The following GANAB variants were observed in gnomAD, a reference collection of about 807,000 sequenced individuals.
The protein encoded by GANAB is neutral alpha-glucosidase AB.
In GANAB, 35 loss-of-function variants were observed where a neutral mutation model predicts 129.9. The ratio of observed to expected loss-of-function variants is 0.27; its 90% confidence interval spans 0.21 to 0.36. The LOEUF is 0.36. Ranked by LOEUF, GANAB falls within the 10% of genes least tolerant of loss-of-function variation. The probability of loss-of-function intolerance (pLI) is 1.00; values close to 1 mark genes in which losing one functional copy is unlikely to be tolerated. For missense variants in GANAB, 939 were observed against 1,221.0 expected, an observed-to-expected ratio of 0.77 and a Z score of 3.44; for synonymous variants, 482 against 451.8, an observed-to-expected ratio of 1.07 and a Z score of -0.85.
chr11:62,634,706 C>T, intron 5 of GANAB, 115 bp downstream of exon 5: 2 of 870,670 alleles, frequency 2.3e-6, no homozygotes, highest in South Asian at 1.6e-5. Context: ...GAGCTTCTCC[C>T]AGCCCCCAGG....
chr11:62,626,194 A>AG, intron 22 of GANAB, 29 bp from the exon 23 acceptor site: 4 of 1,505,996 alleles, frequency 2.7e-6, no homozygotes, highest in Non-Finnish European at 3.7e-6. Flanking sequence ...GATGTCCATC[A>AG]GGGGGAAAAA....
intron 17 of GANAB, among the ~76,000 whole-genome samples, chr11:62,627,963 C>G (rs1212522695): frequency 6.6e-6 from 1 of 152,222 alleles, no homozygotes; most frequent in Non-Finnish European, 1.5e-5. Flanking sequence ...CCCTGGGTTG[C>G]AACCCTGGCT....
In GANAB at chr11:62,625,859, G is replaced by C. The variant is rs772852228; in HGVS notation, c.2791C>G (p.Pro931Ala). The C allele has an allele frequency of 1.4e-5, 22 of 1,613,512 alleles. No individual in the cohort carries two copies. The South Asian group carries it at 1.5e-4, about 11-fold the overall frequency. The change falls in exon 24 of 24, where the codon CCT becomes GCT. Residue 931 changes from proline (P) to alanine (A), a missense_variant. This residue lies in a region of GANAB where 230 missense variants were observed against 259.9 expected (regional missense o/e 0.89). Coordinates refer to ENST00000356638, the MANE Select transcript of GANAB (RefSeq NM_198334.3). ...PETSVLVLRK[P>A]GINVASDWSI... ...CAATCAGATGCCACATTGATGCCAG[G>C]CTTGCGCAGGACCAACACAGAGGTC...
intron 4 of GANAB, among the ~76,000 whole-genome samples, chr11:62,638,281 G>A (rs980611795): frequency 6.6e-6 from 1 of 152,108 alleles, no homozygotes; most frequent in Non-Finnish European, 1.5e-5. Flanking sequence ...GGCCTCCTGA[G>A]TAGCTGGGAT....
chr11:62,633,770 C>A (rs577986349), intron 5 of GANAB: 1 of 560,344 alleles, frequency 1.8e-6, no homozygotes, highest in East Asian at 3.0e-5. Flanking sequence ...CCTCTGTCAA[C>A]ATCCCAGAAG....
chr11:62,625,216 G>A lies in GANAB; in HGVS notation c.*599C>T. The A allele has an allele frequency of 2.2e-6, 1 of 454,740 alleles. No homozygotes were observed. The highest frequency in any genetic ancestry group is 4.4e-6 in the Non-Finnish European group (1 of 226,802). The allele number at this position is 454,740 out of a possible 1,614,324, so 28.2% of individuals were successfully genotyped here. ...TTGCAGCAGCTCTACAAGGAATCGG[G>A]GAGAGGAAAAGGGTAGAATGAGAGG... On this transcript the variant is annotated 3_prime_UTR_variant, in exon 24 of 24. Coordinates refer to ENST00000356638, the MANE Select transcript of GANAB (RefSeq NM_198334.3).
At chr11:62,627,537 G>C (rs1325519210) in intron 17 of GANAB, among the ~76,000 whole-genome samples, 184 bp from the exon 18 acceptor site, 1 of 152,070 alleles carries the variant, frequency 6.6e-6, no homozygotes, top group Non-Finnish European at 1.5e-5. Context: ...TTCGAGATCA[G>C]CCTGAACAAC....
Position 62,625,770 on chromosome 11 carries a change from A to C in GANAB, c.*45T>G. 1 of 1,163,864 alleles carries C rather than the reference A, an allele frequency of 8.6e-7. No homozygotes were observed. The highest frequency in any genetic ancestry group is 1.3e-6 in the Non-Finnish European group (1 of 771,260). The allele number at this position is 1,163,864 out of a possible 1,614,324, so 72.1% of individuals were successfully genotyped here. On this transcript the variant is annotated 3_prime_UTR_variant, in exon 24 of 24. Transcript: ENST00000356638. The stretch of plus-strand genomic sequence containing the variant: ...GGCAGAAGAAAGAATATCTCTCAGC[A>C]CTAATGCTCCCCTTCCCTCCCCCTA...
intron 3 of GANAB, 113 bp from the exon 4 acceptor site, chr11:62,639,223 C>T: frequency 7.5e-7 from 1 of 1,336,562 alleles, no homozygotes. Flanking sequence ...TGCCTAAAGG[C>T]CAAGATCACA....
At chr11:62,646,176 C>A (rs1944470150) in intron 1 of GANAB, among the ~76,000 whole-genome samples, 1 of 152,240 alleles carries the variant, frequency 6.6e-6, no homozygotes, top group Non-Finnish European at 1.5e-5. Context: ...GGCCGCGGGG[C>A]CGCAGGCTGC....
At chr11:62,630,032 C>G (rs751437431) in intron 13 of GANAB, 75 bp from the exon 14 acceptor site, 29 of 1,508,738 alleles carry the variant, frequency 1.9e-5, no homozygotes, top group Non-Finnish European at 2.6e-5. Flanking sequence ...GAGAAGAGAG[C>G]TCCTAGGAAT....
At chr11:62,636,597 A>C (rs1231519025) in intron 4 of GANAB, among the ~76,000 whole-genome samples, 2 of 152,166 alleles carry the variant, frequency 1.3e-5, no homozygotes, top group Non-Finnish European at 2.9e-5. Flanking sequence ...CAGGTGGATC[A>C]TGAGGTCAGG....
chr11:62,633,333 T>C, intron 6 of GANAB, 62 bp from the exon 7 acceptor site: 1 of 1,546,172 alleles, frequency 6.5e-7, no homozygotes, highest in Non-Finnish European at 8.9e-7. Flanking sequence ...CCCGCTCCCA[T>C]CAACTAAATC....
At position 62,634,237 on chromosome 11, in the gene GANAB, T is replaced by TC. The variant is rs200200329; in HGVS notation, c.560+583dup. 32 of 1,002,262 alleles carry TC rather than the reference T, an allele frequency of 3.2e-5. No homozygotes were observed. The East Asian group carries it at 7.4e-4, about 23-fold the overall frequency. 62.1% of individuals were successfully genotyped at this position (1,002,262 alleles called of 1,614,324 possible). On this transcript the variant is annotated intron_variant, in intron 5 of 23. Transcript: ENST00000356638. The stretch of plus-strand genomic sequence containing the variant: ...AAAGGCTGGAAGGGTCTGGGGCACC[T>TC]CCCCCCAAAGGCTAGAGTGAGGAAT...
chr11:62,639,924 A>C (rs1354386417), intron 1 of GANAB, 193 bp from the exon 2 acceptor site: 1 of 568,430 alleles, frequency 1.8e-6, no homozygotes, highest in African/African-American at 1.9e-5. Context: ...AAGTTGGCTC[A>C]CTCACACCTT....
intron 1 of GANAB, among the ~76,000 whole-genome samples, chr11:62,644,841 T>C (rs1041412229): frequency 6.6e-6 from 1 of 151,730 alleles, no homozygotes; most frequent in African/African-American, 2.4e-5. Flanking sequence ...AACAAACAAA[T>C]AAATAAATAA....
chr11:62,634,337 C>G, intron 5 of GANAB: 1 of 1,611,248 alleles, frequency 6.2e-7, no homozygotes, highest in Non-Finnish European at 8.5e-7. Flanking sequence ...GATCTTATCC[C>G]ATATGCTACC....
intron 13 of GANAB, 81 bp from the exon 14 acceptor site, chr11:62,630,038 G>C (rs556510212): frequency 3.3e-4 from 501 of 1,496,400 alleles, no homozygotes; most frequent in Admixed American, 1.2e-3. Context: ...AGAGCTCCTA[G>C]GAATCTAAAA....
intron 5 of GANAB, chr11:62,634,182 A>G (rs1943826217): frequency 1.5e-6 from 1 of 680,374 alleles, no homozygotes; most frequent in East Asian, 2.6e-5. Context: ...AGGACCAGAC[A>G]TCACACAGCA....
Sources: gnomAD v4.1 joint callset for allele counts (sites outside exome capture counted in the v4.1 genomes callset) on GRCh38, gnomAD v4.1.1 for gene constraint, gnomAD v4.1.1 regional missense constraint, MANE v1.5 for transcripts, NCBI Gene and HGNC (gene_info 2026-07-23, HGNC 2026-07-21) for gene names.